The following PLD5 variants were observed in gnomAD, a reference collection of about 807,000 sequenced individuals.
The protein encoded by PLD5 is inactive phospholipase D5.
In PLD5, 36 loss-of-function variants were observed where a neutral mutation model predicts 61.1. The ratio of observed to expected loss-of-function variants is 0.59; its 90% CI spans 0.45 to 0.78. The LOEUF (loss-of-function observed/expected upper bound fraction) is 0.78. Among genes scored for constraint, PLD5 ranks in the 30% least tolerant of loss-of-function variants. The pLI, the probability that PLD5 is intolerant of heterozygous loss-of-function variation, is 0.00. For missense variants in PLD5, 515 were observed against 644.4 expected, an observed-to-expected ratio of 0.80 and a Z score of 2.17; for synonymous variants, 243 against 242.8, an observed-to-expected ratio of 1.00 and a Z score of -0.01.
intron 4 of PLD5, among the ~76,000 whole-genome samples, chr1:242,236,869 A>T (rs1427395580): frequency 6.6e-6 from 1 of 152,250 alleles, no homozygotes; most frequent in Non-Finnish European, 1.5e-5. Context: ...AGAAAAATGT[A>T]ATCACTGTTT....
rs11800587 is a variant in PLD5, at chr1:242,141,672, G to A, written c.736-17007C>T. On this transcript the variant is annotated intron_variant, in intron 5 of 9. Coordinates refer to ENST00000536534, the MANE Select transcript of PLD5 (RefSeq NM_001372062.1). ...CCACAGGCTCACATGAAGCAAGCAA[G>A]CTCTCAGTAGCAACATCTCTCCTTC... Among the ~76,000 whole-genome samples the A allele has an allele frequency of 2.6e-3, 400 of 152,278 alleles. 3 individuals are homozygous for A. The highest frequency in any genetic ancestry group is 9.2e-3 in the African/African-American group (383 of 41,562).
chr1:242,250,527 T>C (rs373935654), intron 4 of PLD5, among the ~76,000 whole-genome samples: 1,559 of 152,244 alleles, frequency 0.01, 23 homozygotes, highest in African/African-American at 0.036. Flanking sequence ...TTTAACCAAT[T>C]CTATTTCTAG....
intron 7 of PLD5, among the ~76,000 whole-genome samples, chr1:242,113,462 A>G (rs1661702459): frequency 6.6e-6 from 1 of 152,206 alleles, no homozygotes; most frequent in East Asian, 1.9e-4. Flanking sequence ...TGAATATAAA[A>G]CAACAATGCT....
At chr1:242,484,272 C>A (rs1316425288) in intron 1 of PLD5, among the ~76,000 whole-genome samples, 2 of 152,054 alleles carry the variant, frequency 1.3e-5, no homozygotes, top group Non-Finnish European at 2.9e-5. Context: ...AATCCAGGAG[C>A]TGGGTTTTTG....
chr1:242,220,444 C>T (rs1670500166), intron 4 of PLD5, among the ~76,000 whole-genome samples: 1 of 152,204 alleles, frequency 6.6e-6, no homozygotes, highest in Non-Finnish European at 1.5e-5. Flanking sequence ...GGCTGCACCA[C>T]TTACCATCTG....
In PLD5 at chr1:242,394,224, G is replaced by A. The variant is rs1288970572; in HGVS notation, c.190-45982C>T. On this transcript the variant is annotated intron_variant, in intron 1 of 9. Coordinates refer to ENST00000536534, the MANE Select transcript of PLD5 (RefSeq NM_001372062.1). The stretch of plus-strand genomic sequence containing the variant: ...TATATGTGTATATGAGTATATATAT[G>A]TGTATATATATGAGTATATATATGT... Among the ~76,000 whole-genome samples, 20 of 30,604 alleles carry A rather than the reference G, an allele frequency of 6.5e-4. 6 individuals carry two copies. Among genetic ancestry groups the A allele is most frequent in the Non-Finnish European group, 1.7e-3 (17 of 9,852 alleles). The allele number at this position is 30,604 out of a possible 152,430, so 20.1% of individuals were successfully genotyped here.
chr1:242,295,921 T>C (rs1447619404), intron 2 of PLD5, among the ~76,000 whole-genome samples: 1 of 152,240 alleles, frequency 6.6e-6, no homozygotes, highest in Non-Finnish European at 1.5e-5. Context: ...AATATGATAC[T>C]TTCATACTTG....
intron 9 of PLD5, among the ~76,000 whole-genome samples, chr1:242,091,977 C>A (rs1035960721): frequency 8.6e-5 from 13 of 151,926 alleles, no homozygotes; most frequent in African/African-American, 2.7e-4. Context: ...CAGGAGCCCA[C>A]CACAATGCCC....
Position 242,256,425 on chromosome 1 carries a change from A to C in PLD5, c.607+8912T>G, listed in dbSNP as rs1356971807. ...GTTTAAACGTAATTCCCACTGTGGCAGTATTAAGTGGTGGGGTCTTTGGAA... is the reference window on the plus strand; with the variant it reads ...GTTTAAACGTAATTCCCACTGTGGCCGTATTAAGTGGTGGGGTCTTTGGAA... On this transcript the variant is annotated intron_variant, in intron 4 of 9. Coordinates refer to ENST00000536534, the MANE Select transcript of PLD5 (RefSeq NM_001372062.1). The surrounding 1 kb of genome is among the most constrained non-coding windows in gnomAD (Gnocchi z 5.7). 6.6e-6 allele frequency among the ~76,000 whole-genome samples: 1 copy of C among 152,226 alleles called. No homozygotes were observed. The highest frequency in any genetic ancestry group is 1.5e-5 in the Non-Finnish European group (1 of 68,028).
At chr1:242,467,382 A>C (rs1454157632) in intron 1 of PLD5, among the ~76,000 whole-genome samples, 1 of 152,214 alleles carries the variant, frequency 6.6e-6, no homozygotes, top group Non-Finnish European at 1.5e-5. Context: ...TGGTTATAGT[A>C]GTCTGTGCAC....
intron 1 of PLD5, among the ~76,000 whole-genome samples, chr1:242,354,534 C>A (rs1340484777): frequency 6.6e-6 from 1 of 152,138 alleles, no homozygotes; most frequent in Non-Finnish European, 1.5e-5. Flanking sequence ...TGGACTAAGC[C>A]CCAATCTGGG....
At chr1:242,506,053 C>T (rs534238876) in intron 1 of PLD5, among the ~76,000 whole-genome samples, 2 of 152,144 alleles carry the variant, frequency 1.3e-5, no homozygotes, top group African/African-American at 4.8e-5. Context: ...TATAAAAGTA[C>T]TAAGAGTTCT....
intron 1 of PLD5, among the ~76,000 whole-genome samples, chr1:242,467,274 T>C (rs142950127): frequency 1.8e-3 from 268 of 152,286 alleles, no homozygotes; most frequent in African/African-American, 6.2e-3. Context: ...ACTTTGTCTT[T>C]CTCTGCAATG....
chr1:242,524,352 G>C lies in PLD5; in HGVS notation c.-76C>G, dbSNP rs1669377812. On this transcript the variant is annotated 5_prime_UTR_variant, in exon 1 of 10. Transcript: ENST00000536534. ...GCGGGGAGCCGGGCGCGGAGGGCGA[G>C]CGGGAGGCCCAGCGGGAGCCGGAGG... is the stretch of plus-strand genomic sequence containing the variant. 3 of 1,295,746 alleles carry C rather than the reference G, an allele frequency of 2.3e-6. No individual in the cohort carries two copies. 80.3% of individuals were successfully genotyped at this position (1,295,746 alleles called of 1,614,324 possible). A position where few individuals can be genotyped will look rare whatever the true frequency, so the allele number is the denominator to read the frequency against.
intron 3 of PLD5, among the ~76,000 whole-genome samples, chr1:242,279,293 G>A (rs71650678): frequency 6.6e-6 from 1 of 152,172 alleles, no homozygotes; most frequent in African/African-American, 2.4e-5. Flanking sequence ...TTATTAGACC[G>A]GGATGGTTTA....
At chr1:242,404,619 G>A (rs1297767337) in intron 1 of PLD5, among the ~76,000 whole-genome samples, 1 of 151,542 alleles carries the variant, frequency 6.6e-6, no homozygotes, top group African/African-American at 2.4e-5. Context: ...AGTTGCTCAT[G>A]GCACCGCTTT....
chr1:242,484,940 C>G (rs1384341040), intron 1 of PLD5, among the ~76,000 whole-genome samples: 9 of 152,264 alleles, frequency 5.9e-5, no homozygotes, highest in Admixed American at 2.6e-4. Flanking sequence ...AGCATATAAA[C>G]AGAACCAAAG....
At chr1:242,215,997 G>T (rs542591966) in intron 5 of PLD5, among the ~76,000 whole-genome samples, 1 of 152,020 alleles carries the variant, frequency 6.6e-6, no homozygotes, top group Non-Finnish European at 1.5e-5. Context: ...TCCCTTCCCC[G>T]CTTCTAACAA....
intron 4 of PLD5, among the ~76,000 whole-genome samples, chr1:242,235,076 C>A (rs960003408): frequency 6.6e-6 from 1 of 152,170 alleles, no homozygotes; most frequent in African/African-American, 2.4e-5. Context: ...GAAGCACCTG[C>A]GTGACAAAAG....
Sources: gnomAD v4.1 joint callset for allele counts (sites outside exome capture counted in the v4.1 genomes callset) on GRCh38, gnomAD v4.1.1 for gene constraint, Gnocchi (gnomAD v3.1) non-coding constraint, MANE v1.5 for transcripts, NCBI Gene and HGNC (gene_info 2026-07-23, HGNC 2026-07-21) for gene names.